ZNF366: variants seen among roughly 807,000 people sequenced by gnomAD.
ZNF366 encodes zinc finger protein 366.
Under a neutral mutation model 47.2 loss-of-function variants are expected in ZNF366, and 20 were observed. The ratio of observed to expected loss-of-function variants is 0.42; its 90% CI spans 0.30 to 0.62. The LOEUF is 0.62. Among genes scored for constraint, ZNF366 ranks in the 20% least tolerant of loss-of-function variants. The pLI is 0.16. For synonymous variants in ZNF366, 421 were observed against 395.1 expected (o/e 1.07, Z -0.78); for missense variants, 987 against 976.3 (o/e 1.01, Z -0.15).
chr5:72,457,751 T>C (rs1364402162), intron 2 of ZNF366, among the ~76,000 whole-genome samples: 1 of 152,274 alleles, frequency 6.6e-6, no homozygotes, highest in South Asian at 2.1e-4. Context: ...AGGCTTCTCA[T>C]CACAAGATGA....
intron 1 of ZNF366, among the ~76,000 whole-genome samples, chr5:72,470,642 A>T (rs190444598): frequency 6.6e-6 from 1 of 152,322 alleles, no homozygotes; most frequent in African/African-American, 2.4e-5. Flanking sequence ...ATTACTTGGA[A>T]ATTTACTTGA....
Position 72,442,651 on chromosome 5 carries a change from CTTTTT to C in ZNF366, c.*1100_*1104del, listed in dbSNP as rs569900355. 0.02 allele frequency: 1,864 copies of C among 91,598 alleles called. 18 individuals carry two copies. The highest frequency in any genetic ancestry group is 0.026 in the Non-Finnish European group (1,167 of 44,492). 5.7% of individuals were successfully genotyped at this position (91,598 alleles called of 1,614,324 possible). A position where few individuals can be genotyped will look rare whatever the true frequency, so the allele number is the denominator to read the frequency against. On this transcript the variant is annotated 3_prime_UTR_variant, in exon 5 of 5. Transcript: ENST00000318442. ...GGTGACAAGTCTTCCTGCATCTGTCCTTTTTTTTTTTTTTTTTTTTTTGAGGCAGA... is the reference window on the plus strand; with the variant it reads ...GGTGACAAGTCTTCCTGCATCTGTCCTTTTTTTTTTTTTTTTTGAGGCAGA...
intron 1 of ZNF366, among the ~76,000 whole-genome samples, chr5:72,463,248 G>C (rs1176796441): frequency 6.6e-6 from 1 of 152,170 alleles, no homozygotes; most frequent in Non-Finnish European, 1.5e-5. Context: ...TTTTTGGGAG[G>C]CTTGAGAGCT....
chr5:72,475,878 G>A (rs111637781), intron 1 of ZNF366, among the ~76,000 whole-genome samples: 24 of 152,164 alleles, frequency 1.6e-4, no homozygotes, highest in African/African-American at 5.3e-4. Flanking sequence ...CGGGGAACAC[G>A]GTGACACCAT....
Position 72,456,439 on chromosome 5 carries a change from T to A in ZNF366, c.1489A>T (p.Ile497Phe), listed in dbSNP as rs200176854. 4.7e-5 allele frequency: 76 copies of A among 1,612,628 alleles called. No individual in the cohort carries two copies. The highest frequency in any genetic ancestry group is 6.4e-5 in the Non-Finnish European group (75 of 1,178,812). The change falls in exon 3 of 5, where the codon ATC becomes TTC. Residue 497 changes from isoleucine (I) to phenylalanine (F), a missense_variant. Transcript: ENST00000318442. ...AAAGGCTTCACGTCAGAGTGGACGATCATGTGTGCCTTGAGGGTCTGCTTC... is the reference window on the plus strand; with the variant it reads ...AAAGGCTTCACGTCAGAGTGGACGAACATGTGTGCCTTGAGGGTCTGCTTC... ...VQKQTLKAHM[I>F]VHSDVKPFKC...
chr5:72,486,828 T>C (rs1580250495), intron 1 of ZNF366, among the ~76,000 whole-genome samples: 1 of 151,984 alleles, frequency 6.6e-6, no homozygotes, highest in Non-Finnish European at 1.5e-5. Context: ...TAGGCTGGAG[T>C]GCAATGGCCT....
intron 4 of ZNF366, among the ~76,000 whole-genome samples, chr5:72,445,648 G>A (rs1742944813): frequency 6.6e-6 from 1 of 152,142 alleles, no homozygotes; most frequent in Non-Finnish European, 1.5e-5. Context: ...TAGGATTTGA[G>A]CAGCAGTGTG....
chr5:72,453,899 A>T (rs746201242), intron 3 of ZNF366, among the ~76,000 whole-genome samples: 27 of 152,172 alleles, frequency 1.8e-4, no homozygotes, highest in Non-Finnish European at 3.1e-4. Context: ...GCCCTTTCAC[A>T]TCCAATTCTT....
Position 72,444,103 on chromosome 5 carries a change from G to C in ZNF366, c.1888C>G (p.Pro630Ala), listed in dbSNP as rs541442537. 31 of 1,614,054 alleles carry C rather than the reference G, an allele frequency of 1.9e-5. 1 individual carries two copies. The South Asian group carries it at 3.4e-4, about 18-fold the overall frequency. Residue 630 changes from proline to alanine, a missense_variant, in exon 5 of 5, where the codon CCC (proline) becomes GCC (alanine). Transcript: ENST00000318442. ...TGGGGGGCCAGGCCAGGGCTGTAGG[G>C]CTCCACCTCGTAGCAGTTATCCTCC... Reference protein sequence around the residue: ...EEEDNCYEVEPYSPGLAPQSQ... With the variant: ...EEEDNCYEVEAYSPGLAPQSQ...
At chr5:72,448,008 C>T (rs566737602) in intron 3 of ZNF366, among the ~76,000 whole-genome samples, 51 of 152,218 alleles carry the variant, frequency 3.4e-4, no homozygotes, top group Non-Finnish European at 6.5e-4. Flanking sequence ...CCATACTGTG[C>T]GTCTCCCAAC....
chr5:72,457,364 G>C (rs527502371), intron 2 of ZNF366, among the ~76,000 whole-genome samples: 49 of 152,268 alleles, frequency 3.2e-4, no homozygotes, highest in African/African-American at 1.1e-3. Flanking sequence ...CACTAATCCT[G>C]ACTATCCATT....
intron 1 of ZNF366, among the ~76,000 whole-genome samples, chr5:72,473,441 C>T (rs1269521626): frequency 1.3e-5 from 2 of 152,218 alleles, no homozygotes; most frequent in Non-Finnish European, 2.9e-5. Flanking sequence ...GTCAATTCCT[C>T]TACCTGACTG....
intron 3 of ZNF366, among the ~76,000 whole-genome samples, chr5:72,452,397 C>T (rs1254065197): frequency 6.6e-6 from 1 of 152,198 alleles, no homozygotes; most frequent in African/African-American, 2.4e-5. Context: ...CATTGTTAAG[C>T]AGGCAGTTCA....
At chr5:72,492,213 A>G (rs1484877430) in intron 1 of ZNF366, among the ~76,000 whole-genome samples, 3 of 152,214 alleles carry the variant, frequency 2.0e-5, no homozygotes, top group Non-Finnish European at 4.4e-5. Flanking sequence ...GCCAGTGAAT[A>G]TAGGTGACAG....
intron 1 of ZNF366, among the ~76,000 whole-genome samples, chr5:72,486,038 C>T (rs1401551774): frequency 6.6e-6 from 1 of 152,226 alleles, no homozygotes; most frequent in Non-Finnish European, 1.5e-5. Context: ...CTCTCTCCTT[C>T]CTGACTTAAT....
At chr5:72,498,803 C>T (rs1744158392) in intron 1 of ZNF366, among the ~76,000 whole-genome samples, 1 of 152,152 alleles carries the variant, frequency 6.6e-6, no homozygotes, top group South Asian at 2.1e-4. Context: ...TACCATGTAC[C>T]TAGCGATAGC....
Position 72,460,671 on chromosome 5 carries a change from T to C in ZNF366, c.826A>G (p.Ser276Gly). Reference protein sequence around the residue: ...YNLVTHILGHSGIKPHACTHC... With the variant: ...YNLVTHILGHGGIKPHACTHC... ...GTGCACGCGTGCGGCTTGATCCCAC[T>C]GTGGCCCAGGATGTGGGTGACCAGG... is the stretch of plus-strand genomic sequence containing the variant. Residue 276 changes from serine to glycine, a missense_variant, in exon 2 of 5, where the codon AGT (serine) becomes GGT (glycine). Physicochemically the swap from Ser to Gly is moderately conservative, Grantham distance 56. Around this residue, in one of 3 missense-constraint regions of ZNF366, gnomAD observed 591 missense variants for 560.9 expected, o/e 1.05. Coordinates refer to ENST00000318442, the MANE Select transcript of ZNF366 (RefSeq NM_152625.3). The C allele has an allele frequency of 6.2e-7, 1 of 1,614,216 alleles. No homozygotes were observed. The highest frequency in any genetic ancestry group is 2.2e-5 in the East Asian group (1 of 44,878).
intron 1 of ZNF366, among the ~76,000 whole-genome samples, chr5:72,466,289 G>T (rs1043842200): frequency 2.6e-5 from 4 of 152,154 alleles, no homozygotes. Context: ...CTTCTCTATG[G>T]CTGTTTTTGC....
At chr5:72,445,210 T>C (rs1011097812) in intron 4 of ZNF366, among the ~76,000 whole-genome samples, 9 of 152,126 alleles carry the variant, frequency 5.9e-5, no homozygotes. Context: ...GCTGTAGGGA[T>C]GGGCTTTTCA....
Sources: allele counts gnomAD v4.1 joint callset (sites outside exome capture counted in the v4.1 genomes callset), GRCh38; gene constraint gnomAD v4.1.1; regional missense constraint gnomAD v4.1.1; transcripts MANE v1.5; gene names NCBI Gene and HGNC (gene_info 2026-07-23, HGNC 2026-07-21).